XDH: variants seen among roughly 807,000 people sequenced by gnomAD.
The protein encoded by XDH is xanthine dehydrogenase.
Under a neutral mutation model 156.1 loss-of-function variants are expected in XDH, and 138 were observed. The observed-to-expected ratio is 0.88, with a 90% CI of 0.77 to 1.02. XDH has a LOEUF of 1.02. Among genes scored for constraint, XDH ranks in the 50% least tolerant of loss-of-function variants. The probability of loss-of-function intolerance (pLI) is 0.00; values close to 1 mark genes in which losing one functional copy is unlikely to be tolerated. For missense variants in XDH, 1,849 were observed against 1,684.9 expected (o/e 1.10, Z -1.71); for synonymous variants, 669 against 625.7 (o/e 1.07, Z -1.03).
chr2:31,381,569 C>A (rs999456507), intron 12 of XDH, 64 bp downstream of exon 12: 1 of 1,518,962 alleles, frequency 6.6e-7, no homozygotes, highest in Non-Finnish European at 9.1e-7. Context: ...CAGAAAATGA[C>A]CTATCTGGTG....
chr2:31,389,864 T>TA (rs1277499397), intron 6 of XDH, among the ~76,000 whole-genome samples: 1 of 151,938 alleles, frequency 6.6e-6, no homozygotes, highest in Non-Finnish European at 1.5e-5. Context: ...GTTTTTTTTT[T>TA]AGAGTGGTTT....
chr2:31,390,111 C>A (rs969849506), intron 6 of XDH, among the ~76,000 whole-genome samples: 1 of 152,156 alleles, frequency 6.6e-6, no homozygotes. Context: ...GGTGTTGACC[C>A]TTATGATATC....
At position 31,334,478 on chromosome 2, in the gene XDH, C is replaced by T. The variant is rs1684924940; in HGVS notation, c.*1480G>A. The T allele has an allele frequency of 6.6e-6, 1 of 152,132 alleles. No homozygotes were observed. The highest frequency in any genetic ancestry group is 2.1e-4 in the South Asian group (1 of 4,828). The allele number at this position is 152,132 out of a possible 1,614,324, so 9.4% of individuals were successfully genotyped here. A position where few individuals can be genotyped will look rare whatever the true frequency, so the allele number is the denominator to read the frequency against. On this transcript the variant is annotated 3_prime_UTR_variant, in exon 36 of 36. Transcript: ENST00000379416. ...ACAGTGACACATTGTCCACCCAGCA[C>T]CATGTAGGGATTAAATCACCATTTG...
At chr2:31,381,922 C>G (rs1324010168) in intron 11 of XDH, among the ~76,000 whole-genome samples, 196 bp from the exon 12 acceptor site, 1 of 152,178 alleles carries the variant, frequency 6.6e-6, no homozygotes, top group Admixed American at 6.5e-5. Flanking sequence ...AATCAGAATA[C>G]TTGAGATTGG....
chr2:31,365,402 A>C, intron 23 of XDH, 55 bp downstream of exon 23: 1 of 1,599,252 alleles, frequency 6.3e-7, no homozygotes, highest in Non-Finnish European at 8.6e-7. Context: ...ATTCGGTCCC[A>C]GCTTTCCTCA....
At position 31,375,529 on chromosome 2, in the gene XDH, C is replaced by T; in HGVS notation, c.1453G>A (p.Asp485Asn). ...TCCTCTGCCAGTCCTGCACACACGTCCTGCAGCAGCTCCTCCTTCCAGAGC... is the reference window on the plus strand; with the variant it reads ...TCCTCTGCCAGTCCTGCACACACGTTCTGCAGCAGCTCCTCCTTCCAGAGC... Reference protein sequence around the residue: ...SKLWKEELLQDVCAGLAEELH... With the variant: ...SKLWKEELLQNVCAGLAEELH... Residue 485 changes from aspartate to asparagine, a missense_variant, in exon 15 of 36, where the codon GAC (aspartate) becomes AAC (asparagine). Physicochemically the swap from Asp to Asn is conservative, Grantham distance 23 (BLOSUM62 1). Transcript: ENST00000379416. 1.2e-6 allele frequency: 2 copies of T among 1,613,790 alleles called. No homozygotes were observed. The highest frequency in any genetic ancestry group is 1.7e-4 in the Middle Eastern group (1 of 5,896).
chr2:31,379,424 G>A (rs1033030962), intron 13 of XDH, among the ~76,000 whole-genome samples: 2 of 152,152 alleles, frequency 1.3e-5, no homozygotes, highest in Non-Finnish European at 2.9e-5. Context: ...CCTCTGACAT[G>A]GGCAGGAATC....
chr2:31,346,656 C>G, intron 30 of XDH, 113 bp downstream of exon 30: 1 of 1,281,458 alleles, frequency 7.8e-7, no homozygotes, highest in Non-Finnish European at 1.1e-6. Context: ...CAACTTCTCT[C>G]TGCTGTTCTG....
At chr2:31,398,486 TC>T in intron 5 of XDH, 86 bp downstream of exon 5, 1 of 1,604,274 alleles carries the variant, frequency 6.2e-7, no homozygotes, top group Non-Finnish European at 8.5e-7. Flanking sequence ...GGGTAGTCCC[TC>T]ATGCTTCTCA....
chr2:31,337,952 C>A (rs1031352273), intron 34 of XDH, 135 bp from the exon 35 acceptor site: 32 of 879,444 alleles, frequency 3.6e-5, no homozygotes, highest in Non-Finnish European at 5.4e-5. Context: ...CTGATGGGAG[C>A]CACACCAAAT....
At chr2:31,348,764 T>C (rs1030129469) in intron 27 of XDH, 135 bp downstream of exon 27, 2 of 809,950 alleles carry the variant, frequency 2.5e-6, no homozygotes, top group African/African-American at 3.4e-5. Context: ...AGTTCGACTT[T>C]CATTTAAAGA....
rs757886455 is a variant in XDH at position 31,365,999 on chromosome 2, C to G, written c.2433G>C (p.Thr811=). ...GKETRSTVVS[T]AVALAAYKTG... Reference sequence around the variant, plus strand: ...ACTTATATGCAGCCAGGGCCACTGCCGTGGACACCACAGTGCTCCGGGTCT... The same window carrying G: ...ACTTATATGCAGCCAGGGCCACTGCGGTGGACACCACAGTGCTCCGGGTCT... Residue 811 remains threonine (T), a synonymous_variant, in exon 22 of 36, where the codon ACG becomes ACC. Coordinates refer to ENST00000379416, the MANE Select transcript of XDH (RefSeq NM_000379.4). 1.2e-6 allele frequency: 2 copies of G among 1,614,186 alleles called. No homozygotes were observed. Among genetic ancestry groups the G allele is most frequent in the Non-Finnish European group, 1.7e-6 (2 of 1,180,032 alleles).
In XDH at chr2:31,403,159, G is replaced by A. The variant is rs1687107118; in HGVS notation, c.101-15C>T. 1.2e-6 allele frequency: 2 copies of A among 1,613,848 alleles called. No individual in the cohort carries two copies. Among genetic ancestry groups the A allele is most frequent in the East Asian group, 2.2e-5 (1 of 44,864 alleles). On this transcript the variant is annotated splice_polypyrimidine_tract_variant and intron_variant, in intron 2 of 35. Coordinates refer to ENST00000379416, the MANE Select transcript of XDH (RefSeq NM_000379.4). Reference sequence around the variant, plus strand: ...ACTCAGCCCCACTGGGTGGTCAAGAGTTAAGGAGAATGAACTCAGGGAGAG... The same window carrying A: ...ACTCAGCCCCACTGGGTGGTCAAGAATTAAGGAGAATGAACTCAGGGAGAG...
In XDH at chr2:31,349,720, G is replaced by C; in HGVS notation, c.2935C>G (p.His979Asp). ...TTGTCAACCTCACTCTTCCGAGCAT[G>C]ATACTGAGAGCTTGCTAGGCATTCT... ...WEECLASSQY[H>D]ARKSEVDKFN... Residue 979 changes from histidine to aspartate, a missense_variant, in exon 26 of 36, where the codon CAT becomes GAT. Physicochemically the swap from His to Asp is moderately conservative, Grantham distance 81. Coordinates refer to ENST00000379416, the MANE Select transcript of XDH (RefSeq NM_000379.4). 1 of 1,614,190 alleles carries C rather than the reference G, an allele frequency of 6.2e-7. No homozygotes were observed. Among genetic ancestry groups the C allele is most frequent in the Non-Finnish European group, 8.5e-7 (1 of 1,180,044 alleles).
rs756494399 is a variant in XDH at position 31,348,312 on chromosome 2, C to A, written c.3103G>T (p.Gly1035Trp). 6.2e-7 allele frequency: 1 copy of A among 1,614,046 alleles called. No individual in the cohort carries two copies. The highest frequency in any genetic ancestry group is 8.5e-7 in the Non-Finnish European group (1 of 1,180,036). ...YTDGSVLLTH[G>W]GTEMGQGLHT... is the part of the protein sequence containing the mutation. ...AGGCCTTGGCCCATCTCAGTCCCCC[C>A]GTGGGTCAGCAGCACAGAGCCATCT... Residue 1035 changes from glycine (G) to tryptophan (W), a missense_variant, in exon 28 of 36, where the codon GGG becomes TGG. Physicochemically the swap from Gly to Trp is radical, Grantham distance 184. Coordinates refer to ENST00000379416, the MANE Select transcript of XDH (RefSeq NM_000379.4).
At chr2:31,413,504 G>C (rs779901660) in intron 1 of XDH, among the ~76,000 whole-genome samples, 2 of 152,154 alleles carry the variant, frequency 1.3e-5, no homozygotes, top group Non-Finnish European at 2.9e-5. Context: ...TTGGAGCACT[G>C]ACGTTGAAAC....
At chr2:31,343,364 T>G (rs1267964912) in intron 31 of XDH, among the ~76,000 whole-genome samples, 2 of 112,686 alleles carry the variant, frequency 1.8e-5, no homozygotes, top group Non-Finnish European at 3.6e-5. Flanking sequence ...TACATATATA[T>G]TCAATGTAAT....
chr2:31,414,729 T>C lies in XDH; in HGVS notation c.-63A>G, dbSNP rs998708011. On this transcript the variant is annotated 5_prime_UTR_variant, in exon 1 of 36. It adds an upstream start codon to the 5' untranslated region. Transcript: ENST00000379416. ...CTCCTAAGAGACACTGGCAGGTAGTTATCACTGCTCTGTGACCTGAAAGTT... is the reference window on the plus strand; with the variant it reads ...CTCCTAAGAGACACTGGCAGGTAGTCATCACTGCTCTGTGACCTGAAAGTT... 1 of 1,593,060 alleles carries C rather than the reference T, an allele frequency of 6.3e-7. No homozygotes were observed. Among genetic ancestry groups the C allele is most frequent in the African/African-American group, 1.3e-5 (1 of 74,474 alleles).
Position 31,341,248 on chromosome 2 carries a change from G to A in XDH, c.3585+81C>T, listed in dbSNP as rs1226664515. 8.2e-6 allele frequency: 11 copies of A among 1,345,582 alleles called. No homozygotes were observed. In the East Asian group the frequency reaches 1.0e-4, roughly 12 times the overall value. 83.4% of individuals were successfully genotyped at this position (1,345,582 alleles called of 1,614,324 possible). A position where few individuals can be genotyped will look rare whatever the true frequency, so the allele number is the denominator to read the frequency against. On this transcript the variant is annotated intron_variant, in intron 33 of 35. Coordinates refer to ENST00000379416, the MANE Select transcript of XDH (RefSeq NM_000379.4). ...GTTTGAAGACAACCTTGGACAACAT[G>A]TTGTGGCAGGTGGCCCCAGGAGGGG...
Sources: gnomAD v4.1 joint callset for allele counts (sites outside exome capture counted in the v4.1 genomes callset) on GRCh38, gnomAD v4.1.1 for gene constraint, MANE v1.5 for transcripts, NCBI Gene and HGNC (gene_info 2026-07-23, HGNC 2026-07-21) for gene names.